The following BHMT variants were observed in gnomAD, a reference collection of about 807,000 sequenced individuals.
The protein encoded by BHMT is betaine--homocysteine S-methyltransferase 1.
Under a neutral mutation model 49.5 loss-of-function variants are expected in BHMT, and 38 were observed. The observed-to-expected ratio is 0.77, with a 90% CI of 0.59 to 1.01. BHMT has a LOEUF of 1.01. Ranked by LOEUF, BHMT falls within the 50% of genes least tolerant of loss-of-function variation. BHMT has a pLI of 0.00. For synonymous variants in BHMT, 166 were observed against 176.3 expected, an observed-to-expected ratio of 0.94 and a Z score of 0.46; for missense variants, 426 against 495.7, an observed-to-expected ratio of 0.86 and a Z score of 1.34.
intron 3 of BHMT, 55 bp from the exon 4 acceptor site, chr5:79,120,291 ATAAT>A: frequency 1.4e-6 from 2 of 1,419,886 alleles, no homozygotes; most frequent in Non-Finnish European, 1.9e-6. Flanking sequence ...TGTTTGAATA[ATAAT>A]TTTATTTCAA....
At chr5:79,112,059 C>G in intron 1 of BHMT, 141 bp downstream of exon 1, 1 of 1,062,594 alleles carries the variant, frequency 9.4e-7, no homozygotes, top group Non-Finnish European at 1.3e-6. Context: ...CAGCCTCAGA[C>G]CAGAATGTGC....
intron 7 of BHMT, among the ~76,000 whole-genome samples, chr5:79,129,444 G>A (rs1756604128): frequency 6.6e-6 from 1 of 152,188 alleles, no homozygotes; most frequent in Non-Finnish European, 1.5e-5. Context: ...TTGAGAAACT[G>A]GAAGTTTGAG....
Position 79,120,415 on chromosome 5 carries a change from G to A in BHMT, c.351G>A (p.Leu117=). 1.2e-6 allele frequency: 2 copies of A among 1,613,902 alleles called. No individual in the cohort carries two copies. Among genetic ancestry groups the A allele is most frequent in the African/African-American group, 1.3e-5 (1 of 75,026 alleles). ...ARQVADEGDA[L]VAGGVSQTPS... ...AAGTGGCTGATGAAGGAGATGCTTT[G>A]GTAGCAGGAGGAGTGAGTCAGACAC... The change falls in exon 4 of 8, where the codon TTG becomes TTA. Residue 117 remains leucine (L), a synonymous_variant. Coordinates refer to ENST00000274353, the MANE Select transcript of BHMT (RefSeq NM_001713.3).
rs1327305572 is a variant in BHMT at position 79,131,128 on chromosome 5, G to T, written c.*12G>T. On this transcript the variant is annotated 3_prime_UTR_variant, in exon 8 of 8. Transcript: ENST00000274353. Reference sequence around the variant, plus strand: ...TCAAATCACAGTAGCCTCGATAGAAGCTATTTTTGATGAATTTCTAGGTGT... The same window carrying T: ...TCAAATCACAGTAGCCTCGATAGAATCTATTTTTGATGAATTTCTAGGTGT... The T allele has an allele frequency of 6.2e-6, 10 of 1,600,642 alleles. No homozygotes were observed. Among genetic ancestry groups the T allele is most frequent in the Non-Finnish European group, 7.7e-6 (9 of 1,173,692 alleles).
At chr5:79,126,780 G>T in intron 6 of BHMT, among the ~76,000 whole-genome samples, 1 of 152,228 alleles carries the variant, frequency 6.6e-6, no homozygotes, top group African/African-American at 2.4e-5. Context: ...AGCAGATGAA[G>T]TGAGGGGATA....
intron 4 of BHMT, 126 bp downstream of exon 4, chr5:79,120,667 G>C: frequency 2.1e-6 from 2 of 939,086 alleles, no homozygotes; most frequent in Non-Finnish European, 2.9e-6. Flanking sequence ...TTTAGTTTTT[G>C]AAATCGTTTT....
chr5:79,119,242 C>A lies in BHMT; in HGVS notation c.167-17C>A. 1 of 1,569,012 alleles carries A rather than the reference C, an allele frequency of 6.4e-7. No individual in the cohort carries two copies. The highest frequency in any genetic ancestry group is 8.7e-7 in the Non-Finnish European group (1 of 1,152,740). The stretch of plus-strand genomic sequence containing the variant: ...TTAATAAACAGAAATTATACCTTTC[C>A]TCATTCACTCTCCCAGTTCGCCAGC... On this transcript the variant is annotated splice_polypyrimidine_tract_variant and intron_variant, in intron 2 of 7. Transcript: ENST00000274353.
At chr5:79,111,943 C>A (rs776975558) in intron 1 of BHMT, 25 bp downstream of exon 1, 2 of 1,571,304 alleles carry the variant, frequency 1.3e-6, no homozygotes, top group East Asian at 2.4e-5. Flanking sequence ...GACCCGAGGG[C>A]GCTCTCCTTC....
In BHMT at chr5:79,127,776, C is replaced by T. The variant is rs1429821864; in HGVS notation, c.830C>T (p.Thr277Ile). 3.1e-6 allele frequency: 5 copies of T among 1,613,898 alleles called. No homozygotes were observed. Reference protein sequence around the residue: ...FPFGLEPRVATRWDIQKYARE... With the variant: ...FPFGLEPRVAIRWDIQKYARE... ...ACAGGACTGGAACCCAGAGTTGCCA[C>T]CAGATGGGATATTCAAAAATACGCC... The change falls in exon 7 of 8, where the codon ACC becomes ATC. Residue 277 changes from threonine to isoleucine, a missense_variant. Physicochemically the swap from Thr to Ile is moderately conservative, Grantham distance 89. Transcript: ENST00000274353.
chr5:79,117,243 GT>G (rs1193415125), intron 2 of BHMT, among the ~76,000 whole-genome samples: 2 of 152,110 alleles, frequency 1.3e-5, no homozygotes, highest in Middle Eastern at 3.2e-3. Flanking sequence ...CATTTCCAGG[GT>G]TTTTTTCATG....
In BHMT at chr5:79,111,833, G is replaced by T. The variant is rs1029990875; in HGVS notation, c.-53G>T. The T allele has an allele frequency of 2.5e-6, 4 of 1,607,562 alleles. No homozygotes were observed. In the African/African-American group the frequency reaches 5.4e-5, roughly 22 times the overall value. Reference sequence around the variant, plus strand: ...CAGCTCGGGGCTGCGCAGCGGGAAGGCTCGCCTAGTCGGTCCGCATCCGTG... The same window carrying T: ...CAGCTCGGGGCTGCGCAGCGGGAAGTCTCGCCTAGTCGGTCCGCATCCGTG... On this transcript the variant is annotated 5_prime_UTR_variant, in exon 1 of 8. Coordinates refer to ENST00000274353, the MANE Select transcript of BHMT (RefSeq NM_001713.3).
rs775862072 is a variant in BHMT at position 79,130,991 on chromosome 5, T to A, written c.1096T>A (p.Ser366Thr). ...RIASGRPYNP[S>T]MSKPDGWGVT... Reference sequence around the variant, plus strand: ...AGCCTCAGGCCGGCCATACAACCCTTCAATGTCAAAGCCAGATGGCTGGGG... The same window carrying A: ...AGCCTCAGGCCGGCCATACAACCCTACAATGTCAAAGCCAGATGGCTGGGG... The change falls in exon 8 of 8, where the codon TCA becomes ACA. Residue 366 changes from serine (S) to threonine (T), a missense_variant. Around this residue, in one of 3 missense-constraint regions of BHMT, gnomAD observed 73 missense variants for 68.3 expected, o/e 1.07. Coordinates refer to ENST00000274353, the MANE Select transcript of BHMT (RefSeq NM_001713.3). The A allele has an allele frequency of 6.2e-7, 1 of 1,613,756 alleles. No homozygotes were observed. Among genetic ancestry groups the A allele is most frequent in the African/African-American group, 1.3e-5 (1 of 74,848 alleles).
chr5:79,120,579 C>G (rs746611712), intron 4 of BHMT, 38 bp downstream of exon 4: 2 of 1,559,546 alleles, frequency 1.3e-6, no homozygotes, highest in Non-Finnish European at 1.7e-6. Context: ...ACAAATACAC[C>G]TAGTACATTT....
At position 79,126,274 on chromosome 5, in the gene BHMT, T is replaced by C. The variant is rs751949933; in HGVS notation, c.808+46T>C. 3.1e-6 allele frequency: 5 copies of C among 1,593,918 alleles called. No homozygotes were observed. In the East Asian group the frequency reaches 6.7e-5, roughly 21 times the overall value. ...ATCATCTCAATATCTTCATTTGATATGCATATAAACTCAAGTAAATCTATA... is the reference window on the plus strand; with the variant it reads ...ATCATCTCAATATCTTCATTTGATACGCATATAAACTCAAGTAAATCTATA... On this transcript the variant is annotated intron_variant, in intron 6 of 7. Transcript: ENST00000274353.
At chr5:79,128,533 A>AAC (rs1756590421) in intron 7 of BHMT, among the ~76,000 whole-genome samples, 1 of 151,164 alleles carries the variant, frequency 6.6e-6, no homozygotes. Context: ...CTGTTTTAAA[A>AAC]AAAAAAAAAA....
chr5:79,124,549 C>A (rs946588738), intron 5 of BHMT, among the ~76,000 whole-genome samples: 1 of 151,832 alleles, frequency 6.6e-6, no homozygotes, highest in Non-Finnish European at 1.5e-5. Flanking sequence ...TGTCATAATG[C>A]CTTCTCAAAT....
chr5:79,119,054 CT>C (rs921840067), intron 2 of BHMT, among the ~76,000 whole-genome samples: 7 of 152,188 alleles, frequency 4.6e-5, no homozygotes, highest in African/African-American at 1.7e-4. Flanking sequence ...TGAGCACCCC[CT>C]GCCCACCCAT....
chr5:79,127,658 A>C (rs1459826218), intron 6 of BHMT, 97 bp from the exon 7 acceptor site: 1 of 1,418,536 alleles, frequency 7.0e-7, no homozygotes, highest in Non-Finnish European at 9.4e-7. Context: ...TATTGAAAAC[A>C]ATTCATTTAT....
In BHMT at chr5:79,121,312, G is replaced by C. The variant is rs757183780; in HGVS notation, c.572G>C (p.Gly191Ala). Reference protein sequence around the residue: ...VAATMCIGPEGDLHGVPPGEC... With the variant: ...VAATMCIGPEADLHGVPPGEC... ...GCAACCATGTGCATTGGCCCAGAAGGAGATTTGCATGGCGTGCCCCCCGGC... is the reference window on the plus strand; with the variant it reads ...GCAACCATGTGCATTGGCCCAGAAGCAGATTTGCATGGCGTGCCCCCCGGC... Residue 191 changes from glycine (G) to alanine (A), a missense_variant, in exon 5 of 8, where the codon GGA (glycine) becomes GCA (alanine). By Grantham distance (60) the Gly-to-Ala change is moderately conservative (BLOSUM62 0). Coordinates refer to ENST00000274353, the MANE Select transcript of BHMT (RefSeq NM_001713.3). 11 of 1,614,198 alleles carry C rather than the reference G, an allele frequency of 6.8e-6. 1 individual carries two copies. In the South Asian group the frequency reaches 1.2e-4, roughly 18 times the overall value.
Sources: gnomAD v4.1 joint callset for allele counts (sites outside exome capture counted in the v4.1 genomes callset) on GRCh38, gnomAD v4.1.1 for gene constraint, gnomAD v4.1.1 regional missense constraint, MANE v1.5 for transcripts, NCBI Gene and HGNC (gene_info 2026-07-23, HGNC 2026-07-21) for gene names.